Variants in WHRN observed in about 807,000 individuals in gnomAD.
WHRN encodes the protein whirlin, also known as CASK-interacting protein CIP98.
Under a neutral mutation model 68.3 loss-of-function variants are expected in WHRN, and 41 were observed. The ratio of observed to expected loss-of-function variants is 0.60; its 90% confidence interval spans 0.47 to 0.78. The LOEUF (loss-of-function observed/expected upper bound fraction) is 0.78, where lower values mean the gene tolerates loss of function less well. WHRN is among the 30% of genes least tolerant of loss of function. The pLI is 0.00. For missense variants in WHRN, 1,243 were observed against 1,244.7 expected (o/e 1.00, Z 0.02); for synonymous variants, 560 against 561.3 (o/e 1.00, Z 0.03).
intron 2 of WHRN, among the ~76,000 whole-genome samples, chr9:114,475,799 G>C (rs2133095314): frequency 6.6e-6 from 1 of 152,260 alleles, no homozygotes; most frequent in African/African-American, 2.4e-5. Context: ...TAGGGAAATG[G>C]GGTTTCCACA....
intron 2 of WHRN, among the ~76,000 whole-genome samples, chr9:114,469,860 T>C (rs1841053494): frequency 6.6e-6 from 1 of 152,356 alleles, no homozygotes; most frequent in South Asian, 2.1e-4. Context: ...ACCCGCTTCC[T>C]TGCCTCTTCC....
At chr9:114,481,998 C>T (rs1842129017) in intron 1 of WHRN, among the ~76,000 whole-genome samples, 2 of 152,050 alleles carry the variant, frequency 1.3e-5, no homozygotes, top group African/African-American at 2.4e-5. Context: ...CATCGTGTGG[C>T]ACACAGTAGG....
chr9:114,501,131 A>G (rs1843885265), intron 1 of WHRN, among the ~76,000 whole-genome samples: 1 of 152,232 alleles, frequency 6.6e-6, no homozygotes, highest in African/African-American at 2.4e-5. Context: ...CACAGGAAGT[A>G]TGCAGCAGGG....
rs1418588724 is a variant in WHRN at position 114,504,752 on chromosome 9, G to A, written c.50C>T (p.Ser17Leu). The A allele has an allele frequency of 9.3e-6, 14 of 1,508,322 alleles. No individual in the cohort carries two copies. The highest frequency in any genetic ancestry group is 1.1e-5 in the Non-Finnish European group (12 of 1,137,948). The allele number at this position is 1,508,322 out of a possible 1,614,324, so 93.4% of individuals were successfully genotyped here. A position where few individuals can be genotyped will look rare whatever the true frequency, so the allele number is the denominator to read the frequency against. ...GLSVSSSSTG[S>L]LGSAAGAGGG... is the part of the protein sequence containing the mutation. The stretch of plus-strand genomic sequence containing the variant: ...GCCCGCCCCGGCCGCCGAGCCCAGC[G>A]AGCCGGTGGAGGACGAGCTCACCGA... The change falls in exon 1 of 12, where the codon TCG becomes TTG. Residue 17 changes from serine to leucine, a missense_variant. Ser to Leu is a moderately radical substitution (Grantham distance 145). Coordinates refer to ENST00000362057, the MANE Select transcript of WHRN (RefSeq NM_015404.4).
At position 114,402,793 on chromosome 9, in the gene WHRN, G is replaced by A. The variant is rs1341779523; in HGVS notation, c.2685C>T (p.Tyr895=). The part of the protein sequence containing the change: ...AEAFKTKDRD[Y]IDFLVTEFNV... The stretch of plus-strand genomic sequence containing the variant: ...TGAACTCAGTGACCAGAAAGTCAAT[G>A]TAGTCACGGTCCTTAGTCTTGAAGG... Residue 895 remains tyrosine (Y), a synonymous_variant, in exon 12 of 12, where the codon TAC becomes TAT. Transcript: ENST00000362057. The A allele has an allele frequency of 2.5e-6, 4 of 1,613,980 alleles. No homozygotes were observed. The East Asian group carries it at 8.9e-5, about 36-fold the overall frequency.
intron 3 of WHRN, among the ~76,000 whole-genome samples, chr9:114,442,684 C>T (rs1336777003): frequency 6.6e-6 from 1 of 152,114 alleles, no homozygotes; most frequent in African/African-American, 2.4e-5. Flanking sequence ...TGGGACCTCC[C>T]TGCTCTCTCT....
Position 114,402,685 on chromosome 9 carries a change from G to T in WHRN, c.*69C>A. 6.3e-7 allele frequency: 1 copy of T among 1,598,924 alleles called. No homozygotes were observed. Among genetic ancestry groups the T allele is most frequent in the Non-Finnish European group, 8.6e-7 (1 of 1,169,550 alleles). On this transcript the variant is annotated 3_prime_UTR_variant, in exon 12 of 12. Coordinates refer to ENST00000362057, the MANE Select transcript of WHRN (RefSeq NM_015404.4). ...GCCCCAACCCCGCAAGGAGCTTGAT[G>T]AAGCCAACGGTGGAAAGGGACTGGG...
intron 7 of WHRN, among the ~76,000 whole-genome samples, chr9:114,414,100 T>C (rs771071717): frequency 2.0e-5 from 3 of 152,218 alleles, no homozygotes; most frequent in Non-Finnish European, 2.9e-5. Flanking sequence ...CATTAACCTC[T>C]AACTGAAAGG....
In WHRN at chr9:114,482,922, G is replaced by A. The variant is rs531690836; in HGVS notation, c.619-4151C>T. 8.4e-4 allele frequency among the ~76,000 whole-genome samples: 128 copies of A among 152,184 alleles called. 1 individual carries two copies. Among genetic ancestry groups the A allele is most frequent in the African/African-American group, 2.7e-3 (111 of 41,514 alleles). On this transcript the variant is annotated intron_variant, in intron 1 of 11. Coordinates refer to ENST00000362057, the MANE Select transcript of WHRN (RefSeq NM_015404.4). ...CCACCCCCAGTATTTTACAGAAGGG[G>A]ACCCTGAAGCCCCAAGATGGGAAGG...
At chr9:114,460,500 C>T (rs1840155297) in intron 3 of WHRN, among the ~76,000 whole-genome samples, 1 of 152,204 alleles carries the variant, frequency 6.6e-6, no homozygotes, top group Non-Finnish European at 1.5e-5. Context: ...CTTAAAGGAA[C>T]AAAGGAGGTT....
chr9:114,472,524 C>T (rs955592642), intron 2 of WHRN, among the ~76,000 whole-genome samples: 4 of 152,312 alleles, frequency 2.6e-5, no homozygotes, highest in Middle Eastern at 3.4e-3. Context: ...CACTGCCCCA[C>T]GCACACACCA....
intron 7 of WHRN, among the ~76,000 whole-genome samples, chr9:114,411,939 C>A (rs923409392): frequency 2.0e-5 from 3 of 152,228 alleles, no homozygotes; most frequent in African/African-American, 7.2e-5. Context: ...CCATGAGCAA[C>A]CCTCTTGGAA....
At chr9:114,419,594 AGG>A (rs1266919026) in intron 7 of WHRN, among the ~76,000 whole-genome samples, 2 of 152,246 alleles carry the variant, frequency 1.3e-5, no homozygotes, top group African/African-American at 4.8e-5. Context: ...TGGGAGGATC[AGG>A]GAAGTCTTCT....
Position 114,423,383 on chromosome 9 carries a change from C to G in WHRN, c.1557G>C (p.Met519Ile). The change falls in exon 7 of 12, where the codon ATG becomes ATC. Residue 519 changes from methionine to isoleucine, a missense_variant. By Grantham distance (10) the Met-to-Ile change is conservative (BLOSUM62 1). Transcript: ENST00000362057. The stretch of plus-strand genomic sequence containing the variant: ...ATGAACCCGTGTCACTGTAGGAGAC[C>G]ATGGAGTAGGTGTCCCCAGCCCCGG... ...PGPGAGDTYS[M>I]VSYSDTGSST... 1 of 1,614,030 alleles carries G rather than the reference C, an allele frequency of 6.2e-7. No individual in the cohort carries two copies. Among genetic ancestry groups the G allele is most frequent in the Middle Eastern group, 1.6e-4 (1 of 6,062 alleles).
chr9:114,403,820 G>A, intron 10 of WHRN, 76 bp downstream of exon 10: 1 of 1,568,304 alleles, frequency 6.4e-7, no homozygotes, highest in Non-Finnish European at 8.7e-7. Flanking sequence ...GCTGAGCCCT[G>A]GTCCCGGGAC....
chr9:114,478,953 C>T (rs1281142135), intron 1 of WHRN, among the ~76,000 whole-genome samples, 182 bp from the exon 2 acceptor site: 3 of 152,196 alleles, frequency 2.0e-5, no homozygotes, highest in Non-Finnish European at 1.5e-5. Flanking sequence ...ACATCTGTCC[C>T]ACCCCCATCC....
chr9:114,433,765 G>C (rs1837614750), intron 3 of WHRN, among the ~76,000 whole-genome samples: 1 of 152,166 alleles, frequency 6.6e-6, no homozygotes, highest in South Asian at 2.1e-4. Flanking sequence ...CTGGGTCTGG[G>C]TGAGCTCTTC....
intron 3 of WHRN, among the ~76,000 whole-genome samples, chr9:114,430,296 T>C (rs1589122878): frequency 6.6e-6 from 1 of 152,212 alleles, no homozygotes; most frequent in South Asian, 2.1e-4. Context: ...CCAGTTAAAC[T>C]TGAATTTCAG....
rs576624707 is a variant in WHRN at position 114,454,257 on chromosome 9, G to A, written c.963+12010C>T. Reference sequence around the variant, plus strand: ...ACTCAGTATCATACTAGACATTGTAGTCAGTGCAATAAGTTAAGAAAAAGA... The same window carrying A: ...ACTCAGTATCATACTAGACATTGTAATCAGTGCAATAAGTTAAGAAAAAGA... On this transcript the variant is annotated intron_variant, in intron 3 of 11. Transcript: ENST00000362057. Among the ~76,000 whole-genome samples, 3 of 152,226 alleles carry A rather than the reference G, an allele frequency of 2.0e-5. No homozygotes were observed. The South Asian group carries it at 6.2e-4, about 32-fold the overall frequency.
Sources: allele counts gnomAD v4.1 joint callset (sites outside exome capture counted in the v4.1 genomes callset), GRCh38; gene constraint gnomAD v4.1.1; transcripts MANE v1.5; gene names NCBI Gene and HGNC (gene_info 2026-07-23, HGNC 2026-07-21).